The following PTPRN2 variants were observed in gnomAD, a reference collection of about 807,000 sequenced individuals.
PTPRN2 encodes the protein receptor-type tyrosine-protein phosphatase N2.
PTPRN2 carries 74 observed loss-of-function variants against 118.8 expected under a neutral mutation model. The ratio of observed to expected loss-of-function variants is 0.62; its 90% CI spans 0.52 to 0.76. PTPRN2 has a LOEUF of 0.76. Among genes scored for constraint, PTPRN2 ranks in the 30% least tolerant of loss-of-function variants. The probability of loss-of-function intolerance (pLI) is 0.00; values close to 1 mark genes in which losing one functional copy is unlikely to be tolerated. For missense variants in PTPRN2, 1,481 were observed against 1,394.4 expected, an observed-to-expected ratio of 1.06 and a Z score of -0.99; for synonymous variants, 641 against 608.0, an observed-to-expected ratio of 1.05 and a Z score of -0.80.
chr7:157,679,994 A>G (rs1193421233), intron 13 of PTPRN2, among the ~76,000 whole-genome samples: 5 of 152,154 alleles, frequency 3.3e-5, no homozygotes, highest in Admixed American at 1.3e-4. Flanking sequence ...TCTGCTCCTG[A>G]CCTTCCTTTC....
intron 11 of PTPRN2, among the ~76,000 whole-genome samples, chr7:157,943,607 C>T (rs1179470795): frequency 6.6e-6 from 1 of 151,848 alleles, no homozygotes; most frequent in East Asian, 1.9e-4. Flanking sequence ...CAGACTGAGT[C>T]CTCCACAAAT....
rs555038393 is a variant in PTPRN2 at position 157,974,558 on chromosome 7, C to T, written c.1724-75821G>A. On this transcript the variant is annotated intron_variant, in intron 11 of 22. Transcript: ENST00000389418. This position sits in a 1 kb window ranked among gnomAD's most constrained non-coding sequence, Gnocchi z 4.0. ...GACTGGGGGCTCGTCCATGCCTTGT[C>T]GTGGACATCTCTGGTCTCAGCCGGC... Among the ~76,000 whole-genome samples the T allele has an allele frequency of 5.9e-5, 9 of 151,844 alleles. No individual in the cohort carries two copies. The highest frequency in any genetic ancestry group is 2.1e-4 in the South Asian group (1 of 4,792).
intron 12 of PTPRN2, among the ~76,000 whole-genome samples, chr7:157,702,080 A>G (rs923205582): frequency 1.1e-4 from 16 of 148,444 alleles, no homozygotes; most frequent in South Asian, 4.5e-4. Context: ...CTGTGCATTT[A>G]TAAGAAAGCC....
chr7:157,988,904 G>A (rs1194200315), intron 11 of PTPRN2, among the ~76,000 whole-genome samples: 1 of 152,218 alleles, frequency 6.6e-6, no homozygotes, highest in Non-Finnish European at 1.5e-5. Context: ...TGGGCAGTGT[G>A]ACCTGAGGAA....
chr7:158,584,997 T>C (rs756274392), intron 1 of PTPRN2, among the ~76,000 whole-genome samples: 1 of 152,144 alleles, frequency 6.6e-6, no homozygotes, highest in Admixed American at 6.6e-5. Context: ...CAACGTGAAG[T>C]TGAATGTTAA....
At chr7:158,272,672 G>A (rs573747243) in intron 3 of PTPRN2, among the ~76,000 whole-genome samples, 1 of 152,188 alleles carries the variant, frequency 6.6e-6, no homozygotes, top group Non-Finnish European at 1.5e-5. Context: ...GGAGCACCAG[G>A]TGAGGGGAGG....
chr7:157,832,265 C>T (rs1409953475), intron 12 of PTPRN2, among the ~76,000 whole-genome samples: 1 of 152,186 alleles, frequency 6.6e-6, no homozygotes, highest in Non-Finnish European at 1.5e-5. Context: ...TTATTTCAGA[C>T]CGATCAGAGG....
chr7:158,292,790 G>A lies in PTPRN2; in HGVS notation c.277+24029C>T, dbSNP rs142091760. Among the ~76,000 whole-genome samples the A allele has an allele frequency of 6.7e-3, 1,026 of 152,310 alleles. 14 individuals carry two copies. Among genetic ancestry groups the A allele is most frequent in the South Asian group, 0.031 (150 of 4,816 alleles). On this transcript the variant is annotated intron_variant, in intron 3 of 22. Transcript: ENST00000389418. ...ATGGTATAAAAGATAAAAATGGGCCGGGCATGGTGGCTCACGCCTGTAATC... is the reference window on the plus strand; with the variant it reads ...ATGGTATAAAAGATAAAAATGGGCCAGGCATGGTGGCTCACGCCTGTAATC...
intron 2 of PTPRN2, among the ~76,000 whole-genome samples, chr7:158,453,941 A>ACAACG (rs61033906): frequency 0.093 from 5,754 of 62,188 alleles, 392 homozygotes; most frequent in Non-Finnish European, 0.1. Context: ...CAGACAAGAC[A>ACAACG]CACACAATCA....
intron 2 of PTPRN2, among the ~76,000 whole-genome samples, chr7:158,359,906 C>A (rs1380388989): frequency 2.6e-5 from 4 of 152,092 alleles, no homozygotes; most frequent in Non-Finnish European, 4.4e-5. Context: ...CAAGACCTAA[C>A]ACTGGAGATG....
intron 3 of PTPRN2, among the ~76,000 whole-genome samples, chr7:158,214,481 G>A (rs1360599566): frequency 1.3e-5 from 2 of 151,660 alleles, no homozygotes; most frequent in Non-Finnish European, 2.9e-5. Flanking sequence ...AATCAACTCA[G>A]CAAGACAGAA....
chr7:158,131,453 A>G lies in PTPRN2; in HGVS notation c.1556+2224T>C, dbSNP rs1485801003. 2.0e-5 allele frequency among the ~76,000 whole-genome samples: 3 copies of G among 151,406 alleles called. No homozygotes were observed. The East Asian group carries it at 5.9e-4, about 30-fold the overall frequency. ...CACACGAACATACAAACTGAAACAC[A>G]TCTACCTGACACACGCACTCATACA... On this transcript the variant is annotated intron_variant, in intron 9 of 22. Transcript: ENST00000389418.
intron 11 of PTPRN2, among the ~76,000 whole-genome samples, chr7:157,905,418 G>C (rs1203079307): frequency 6.6e-6 from 1 of 152,156 alleles, no homozygotes; most frequent in Non-Finnish European, 1.5e-5. Flanking sequence ...TAAAGGCACA[G>C]AATAACAGAG....
intron 12 of PTPRN2, among the ~76,000 whole-genome samples, chr7:157,875,197 A>T (rs771399375): frequency 3.3e-5 from 5 of 152,188 alleles, no homozygotes; most frequent in Non-Finnish European, 7.3e-5. Context: ...CGAAATGCTG[A>T]ATTTTGCTGC....
At chr7:157,684,708 GCGCCCCTCCC>G (rs970698346) in intron 12 of PTPRN2, among the ~76,000 whole-genome samples, 1 of 151,298 alleles carries the variant, frequency 6.6e-6, no homozygotes, top group Admixed American at 6.6e-5. Context: ...GGTCTCCTGC[GCGCCCCTCCC>G]CGCCCCTCCC....
chr7:158,477,071 T>C (rs1193542708), intron 2 of PTPRN2, among the ~76,000 whole-genome samples: 4 of 152,248 alleles, frequency 2.6e-5, no homozygotes, highest in Admixed American at 6.5e-5. Context: ...TTTTAGGTTT[T>C]ATTCATTGGA....
intron 12 of PTPRN2, among the ~76,000 whole-genome samples, chr7:157,804,038 T>C (rs1805478581): frequency 6.6e-6 from 1 of 152,242 alleles, no homozygotes; most frequent in Admixed American, 6.5e-5. Flanking sequence ...GTAGATAATA[T>C]TGATGTATCC....
intron 12 of PTPRN2, among the ~76,000 whole-genome samples, chr7:157,876,886 G>A (rs965555172): frequency 7.2e-5 from 11 of 152,202 alleles, no homozygotes; most frequent in Admixed American, 5.2e-4. Flanking sequence ...CTAGGGACAC[G>A]CAGCTCGCCG....
intron 11 of PTPRN2, among the ~76,000 whole-genome samples, chr7:158,060,498 C>G (rs965409604): frequency 2.0e-5 from 3 of 152,228 alleles, no homozygotes; most frequent in South Asian, 4.1e-4. Context: ...TGTACCTTCA[C>G]GAGGTGATCC....
Sources: allele counts gnomAD v4.1 joint callset (sites outside exome capture counted in the v4.1 genomes callset), GRCh38; gene constraint gnomAD v4.1.1; non-coding constraint Gnocchi (gnomAD v3.1); transcripts MANE v1.5; gene names NCBI Gene and HGNC (gene_info 2026-07-23, HGNC 2026-07-21).